Variants in PDE3A observed in about 807,000 individuals in gnomAD.
The protein encoded by PDE3A is phosphodiesterase 3A, also known as cGMP-inhibited 3',5'-cyclic phosphodiesterase 3A.
In PDE3A, 43 loss-of-function variants were observed where a neutral mutation model predicts 98.3. That is an observed-to-expected ratio of 0.44 (90% CI 0.34 to 0.56). PDE3A has a LOEUF of 0.56. PDE3A is among the 20% of genes least tolerant of loss of function. The pLI is 0.01. For synonymous variants in PDE3A, 663 were observed against 567.9 expected (o/e 1.17, Z -2.38); for missense variants, 1,427 against 1,440.7 (o/e 0.99, Z 0.15).
chr12:20,602,387 T>G (rs1943612471), intron 2 of PDE3A, among the ~76,000 whole-genome samples: 2 of 152,210 alleles, frequency 1.3e-5, no homozygotes, highest in Admixed American at 1.3e-4. Context: ...TTGTTAACTT[T>G]GAGTTGTTAC....
chr12:20,463,158 G>C (rs1945283255), intron 1 of PDE3A, among the ~76,000 whole-genome samples: 1 of 152,098 alleles, frequency 6.6e-6, no homozygotes, highest in Admixed American at 6.5e-5. Context: ...AATAAGAAGA[G>C]TAGCTATTGC....
At position 20,515,064 on chromosome 12, in the gene PDE3A, T is replaced by C. The variant is rs1416302318; in HGVS notation, c.961-41596T>C. ...GCAAGAGGGGGCCGAACTCATCCTT[T>C]CATAATGGTATCAATCCCAGCCATG... On this transcript the variant is annotated intron_variant, in intron 1 of 15. Transcript: ENST00000359062. Among the ~76,000 whole-genome samples the C allele has an allele frequency of 3.9e-5, 6 of 152,208 alleles. No individual in the cohort carries two copies. In the East Asian group the frequency reaches 1.2e-3, roughly 29 times the overall value.
At chr12:20,495,070 C>T (rs1945896214) in intron 1 of PDE3A, among the ~76,000 whole-genome samples, 1 of 152,104 alleles carries the variant, frequency 6.6e-6, no homozygotes. Context: ...TTTGAGAATT[C>T]TTCCATATGG....
chr12:20,582,337 T>C (rs930051879), intron 2 of PDE3A, among the ~76,000 whole-genome samples: 5 of 152,044 alleles, frequency 3.3e-5, no homozygotes, highest in Non-Finnish European at 7.4e-5. Flanking sequence ...AATACAGGCA[T>C]GCACCACCAT....
intron 1 of PDE3A, among the ~76,000 whole-genome samples, chr12:20,386,008 ATATATATAAAAT>A (rs1943756987): frequency 9.5e-6 from 1 of 105,780 alleles, no homozygotes; most frequent in African/African-American, 3.8e-5. Flanking sequence ...ATATATATAA[ATATATATAAAAT>A]ATATATATAA....
At position 20,640,653 on chromosome 12, in the gene PDE3A, G is replaced by A. The variant is rs143593790; in HGVS notation, c.2251+696G>A. Among the ~76,000 whole-genome samples the A allele has an allele frequency of 3.8e-3, 576 of 152,128 alleles. 10 individuals are homozygous for A. The highest frequency in any genetic ancestry group is 0.013 in the African/African-American group (523 of 41,512). ...TTCCCATTTATAACAACAAGAAATC[G>A]GAACACAGAGGAGATGTTAAATTTT... On this transcript the variant is annotated intron_variant, in intron 10 of 15. Transcript: ENST00000359062.
At chr12:20,602,247 G>A (rs1473728458) in intron 2 of PDE3A, among the ~76,000 whole-genome samples, 1 of 152,148 alleles carries the variant, frequency 6.6e-6, no homozygotes, top group Non-Finnish European at 1.5e-5. Context: ...TTCTAATTAA[G>A]AGAAAGAGAG....
intron 2 of PDE3A, among the ~76,000 whole-genome samples, chr12:20,593,690 C>A (rs1943396895): frequency 6.6e-6 from 1 of 151,974 alleles, no homozygotes; most frequent in South Asian, 2.1e-4. Flanking sequence ...TTGGTTTTAG[C>A]CAAGTAGGAA....
chr12:20,425,756 C>G (rs1944592733), intron 1 of PDE3A, among the ~76,000 whole-genome samples: 1 of 152,082 alleles, frequency 6.6e-6, no homozygotes, highest in African/African-American at 2.4e-5. Flanking sequence ...ATTACTTTCC[C>G]AAGTGTCTGG....
intron 5 of PDE3A, 65 bp from the exon 6 acceptor site, chr12:20,629,843 T>C: frequency 8.0e-7 from 1 of 1,253,628 alleles, no homozygotes; most frequent in Admixed American, 1.7e-5. Context: ...CAGGTGAAGT[T>C]CAACAGTTGC....
intron 1 of PDE3A, among the ~76,000 whole-genome samples, chr12:20,476,528 A>C (rs1374601139): frequency 6.6e-6 from 1 of 152,234 alleles, no homozygotes; most frequent in Non-Finnish European, 1.5e-5. Flanking sequence ...TGCCTTAAAG[A>C]TGGGAACTTA....
rs1396547298 is a variant in PDE3A at position 20,530,794 on chromosome 12, TC to T, written c.961-25865del. Among the ~76,000 whole-genome samples the T allele has an allele frequency of 6.6e-5, 10 of 152,304 alleles. No individual in the cohort carries two copies. In the South Asian group the frequency reaches 1.9e-3, roughly 28 times the overall value. On this transcript the variant is annotated intron_variant, in intron 1 of 15. Transcript: ENST00000359062. ...TCAAGTCCTCCTATAGGCCTCTTGA[TC>T]TGTACATTAATTGGAATAATGGTCT...
chr12:20,386,172 AAAATATATATAAATATATAT>A (rs1262942290), intron 1 of PDE3A, among the ~76,000 whole-genome samples: 3 of 47,120 alleles, frequency 6.4e-5, no homozygotes, highest in African/African-American at 2.7e-4. Context: ...TAAATATATA[AAAATATATATAAATATATAT>A]AAATATATAA....
intron 1 of PDE3A, among the ~76,000 whole-genome samples, chr12:20,376,598 T>G (rs940248711): frequency 2.0e-5 from 3 of 152,000 alleles, no homozygotes; most frequent in Non-Finnish European, 2.9e-5. Flanking sequence ...ACAAAAGTAT[T>G]TAGCAGTGGC....
At chr12:20,423,585 T>C (rs1220654835) in intron 1 of PDE3A, among the ~76,000 whole-genome samples, 1 of 152,242 alleles carries the variant, frequency 6.6e-6, no homozygotes, top group Non-Finnish European at 1.5e-5. Context: ...TCATTAATTC[T>C]GGTTTAGAAA....
chr12:20,656,450 G>T (rs1945046680), intron 15 of PDE3A, among the ~76,000 whole-genome samples: 1 of 152,130 alleles, frequency 6.6e-6, no homozygotes, highest in Non-Finnish European at 1.5e-5. Context: ...TTTGTAGAAT[G>T]GGGGAAAATT....
chr12:20,425,988 T>C (rs1339397000), intron 1 of PDE3A, among the ~76,000 whole-genome samples: 1 of 152,232 alleles, frequency 6.6e-6, no homozygotes, highest in Non-Finnish European at 1.5e-5. Context: ...ATTACGTTAA[T>C]TACTAAAAAA....
At chr12:20,372,612 GA>G (rs1393609377) in intron 1 of PDE3A, among the ~76,000 whole-genome samples, 1 of 151,988 alleles carries the variant, frequency 6.6e-6, no homozygotes, top group African/African-American at 2.4e-5. Flanking sequence ...TTATCATAAG[GA>G]AACAAACTTC....
chr12:20,548,606 A>T (rs1217681271), intron 1 of PDE3A, among the ~76,000 whole-genome samples: 1 of 152,150 alleles, frequency 6.6e-6, no homozygotes, highest in Non-Finnish European at 1.5e-5. Flanking sequence ...CTTCTCCAAA[A>T]AGAGTATCAT....
Sources: allele counts gnomAD v4.1 joint callset (sites outside exome capture counted in the v4.1 genomes callset), GRCh38; gene constraint gnomAD v4.1.1; transcripts MANE v1.5; gene names NCBI Gene and HGNC (gene_info 2026-07-23, HGNC 2026-07-21).